Variants in TMEM74 observed in about 807,000 individuals in gnomAD.
TMEM74 encodes the protein transmembrane protein 74.
Under a neutral mutation model 18.1 loss-of-function variants are expected in TMEM74, and 13 were observed. The observed-to-expected ratio is 0.72, with a 90% CI of 0.47 to 1.14. The LOEUF (loss-of-function observed/expected upper bound fraction) is 1.14, where lower values mean the gene tolerates loss of function less well. Ranked by LOEUF, TMEM74 falls within the 50% of genes most tolerant of loss-of-function variation. TMEM74 has a pLI of 0.00. For synonymous variants in TMEM74, 159 were observed against 146.6 expected (o/e 1.08, Z -0.61); for missense variants, 372 against 375.9 (o/e 0.99, Z 0.09).
In TMEM74 at chr8:108,780,714, A is replaced by G. The variant is rs970915837; in HGVS notation, c.*3467T>C. On this transcript the variant is annotated 3_prime_UTR_variant, in exon 2 of 2. Transcript: ENST00000297459. ...ACTTGATAGAACAGAATCAAGGGTT[A>G]TAGCAGTCATGTGGGTAAAAGCAAC... Among the ~76,000 whole-genome samples, 12 of 152,320 alleles carry G rather than the reference A, an allele frequency of 7.9e-5. No homozygotes were observed. The highest frequency in any genetic ancestry group is 5.2e-4 in the Admixed American group (8 of 15,296).
intron 1 of TMEM74, among the ~76,000 whole-genome samples, chr8:108,674,720 C>G (rs760935834): frequency 2.6e-5 from 4 of 152,140 alleles, no homozygotes; most frequent in Admixed American, 6.5e-5. Flanking sequence ...CTGAACTGGG[C>G]CCCAGATGGG....
chr8:108,784,552 A>C lies in TMEM74; in HGVS notation c.547T>G (p.Leu183Val). 1.2e-6 allele frequency: 2 copies of C among 1,614,140 alleles called. No individual in the cohort carries two copies. The highest frequency in any genetic ancestry group is 1.7e-6 in the Non-Finnish European group (2 of 1,180,028). Residue 183 changes from leucine to valine, a missense_variant, in exon 2 of 2, where the codon TTG becomes GTG. Leu to Val is a conservative substitution (Grantham distance 32). Transcript: ENST00000297459. ...AGCAGGATCCCAGTGACCAAGAACA[A>C]GATGGCGCTGATGAAACCATAGTCT... ...SIDYGFISAI[L>V]FLVTGILLVI...
intron 2 of TMEM74, among the ~76,000 whole-genome samples, chr8:108,630,696 A>G (rs960061693): frequency 6.6e-6 from 1 of 152,116 alleles, no homozygotes; most frequent in Non-Finnish European, 1.5e-5. Flanking sequence ...ACTACATGGA[A>G]ATAGTGGGTA....
intron 1 of TMEM74, among the ~76,000 whole-genome samples, chr8:108,699,183 TCCTCCCTCCCTC>T (rs1171916387): frequency 1.4e-5 from 1 of 70,458 alleles, no homozygotes; most frequent in Non-Finnish European, 2.5e-5. Flanking sequence ...CTTCCTTCCT[TCCTCCCTCCCTC>T]CCTCCCTCCC....
intron 2 of TMEM74, chr8:108,652,399 G>A (rs1186154104): frequency 3.6e-6 from 1 of 280,838 alleles, no homozygotes; most frequent in African/African-American, 2.3e-5. Context: ...AGAAGGGAGT[G>A]CTTAGAACAC....
At chr8:108,611,768 A>G (rs982997887) in intron 2 of TMEM74, among the ~76,000 whole-genome samples, 1 of 152,234 alleles carries the variant, frequency 6.6e-6, no homozygotes, top group Non-Finnish European at 1.5e-5. Context: ...ACCAGAAGGT[A>G]TATCTTCAAA....
chr8:108,736,281 T>G (rs935528981), intron 1 of TMEM74, among the ~76,000 whole-genome samples: 1 of 152,196 alleles, frequency 6.6e-6, no homozygotes, highest in African/African-American at 2.4e-5. Context: ...TTTTCTTAAC[T>G]GAAATTACAC....
chr8:108,742,860 G>T (rs1305070764), intron 1 of TMEM74, among the ~76,000 whole-genome samples: 2 of 152,140 alleles, frequency 1.3e-5, no homozygotes, highest in East Asian at 3.9e-4. Context: ...AGTGGAAGTG[G>T]GTTAGAAACC....
intron 1 of TMEM74, among the ~76,000 whole-genome samples, chr8:108,744,784 G>T (rs1377605353): frequency 6.6e-6 from 1 of 152,168 alleles, no homozygotes; most frequent in Non-Finnish European, 1.5e-5. Context: ...GCATGCCCTT[G>T]TTTATGGGAG....
intron 2 of TMEM74, among the ~76,000 whole-genome samples, chr8:108,610,666 C>A (rs1450768998): frequency 6.6e-6 from 1 of 152,070 alleles, no homozygotes; most frequent in Non-Finnish European, 1.5e-5. Flanking sequence ...GCTGGGGAAC[C>A]AGCAGTTGGA....
chr8:108,681,959 T>C (rs1443268164), intron 1 of TMEM74, among the ~76,000 whole-genome samples: 1 of 152,184 alleles, frequency 6.6e-6, no homozygotes, highest in East Asian at 1.9e-4. Context: ...GCATGATATA[T>C]GTCAATACTT....
intron 1 of TMEM74, among the ~76,000 whole-genome samples, chr8:108,678,980 G>T (rs1813085214): frequency 7.0e-6 from 1 of 142,198 alleles, no homozygotes; most frequent in South Asian, 2.2e-4. Flanking sequence ...TCCCACCTAT[G>T]AGTGAGAACA....
chr8:108,677,618 A>G (rs1468483566), intron 1 of TMEM74, among the ~76,000 whole-genome samples: 1 of 152,068 alleles, frequency 6.6e-6, no homozygotes, highest in Non-Finnish European at 1.5e-5. Context: ...AAATGCCTCA[A>G]ACTTGACTGT....
At chr8:108,632,806 A>G (rs1308972929) in intron 2 of TMEM74, among the ~76,000 whole-genome samples, 1 of 151,946 alleles carries the variant, frequency 6.6e-6, no homozygotes, top group Non-Finnish European at 1.5e-5. Flanking sequence ...GAGTCTCTGA[A>G]CCTTAATTTC....
chr8:108,760,177 A>AGAGAGAGAGG (rs1814026758), intron 1 of TMEM74, among the ~76,000 whole-genome samples: 1 of 148,300 alleles, frequency 6.7e-6, no homozygotes, highest in Non-Finnish European at 1.5e-5. Context: ...AGAGAGAGGG[A>AGAGAGAGAGG]GAGAGAGAGG....
At chr8:108,640,086 A>G (rs1219327229) in intron 2 of TMEM74, among the ~76,000 whole-genome samples, 1 of 139,446 alleles carries the variant, frequency 7.2e-6, no homozygotes, top group Non-Finnish European at 1.6e-5. Context: ...AAAAGTAACT[A>G]CTATTCTTTT....
chr8:108,657,875 T>TATATATATATATATATATTAATTAC (rs1812857190), intron 1 of TMEM74, among the ~76,000 whole-genome samples: 7 of 55,558 alleles, frequency 1.3e-4, no homozygotes, highest in African/African-American at 5.4e-4. Context: ...TATATATATA[T>TATATATATATATATATATTAATTAC]ATATATATAT....
At chr8:108,786,916 C>T (rs1814392406) in intron 1 of TMEM74, among the ~76,000 whole-genome samples, 1 of 152,198 alleles carries the variant, frequency 6.6e-6, no homozygotes, top group Non-Finnish European at 1.5e-5. Flanking sequence ...AAAAGCTACT[C>T]CCGCTTGTTC....
chr8:108,744,573 G>C (rs1373368179), intron 1 of TMEM74, among the ~76,000 whole-genome samples: 1 of 152,176 alleles, frequency 6.6e-6, no homozygotes, highest in Non-Finnish European at 1.5e-5. Context: ...TTTTACGTAA[G>C]AGAAGGTGAA....
Sources: allele counts gnomAD v4.1 joint callset (sites outside exome capture counted in the v4.1 genomes callset), GRCh38; gene constraint gnomAD v4.1.1; transcripts MANE v1.5; gene names NCBI Gene and HGNC (gene_info 2026-07-23, HGNC 2026-07-21).